MTG1: variants seen among roughly 807,000 people sequenced by gnomAD.
MTG1 encodes mitochondrial ribosome associated GTPase 1.
Under a neutral mutation model 39.5 loss-of-function variants are expected in MTG1, and 30 were observed. The observed-to-expected ratio is 0.76, with a 90% CI of 0.57 to 1.03. The LOEUF (loss-of-function observed/expected upper bound fraction) is 1.03. Among genes scored for constraint, MTG1 ranks in the 50% least tolerant of loss-of-function variants. The pLI is 0.00. For synonymous variants in MTG1, 217 were observed against 179.0 expected, an observed-to-expected ratio of 1.21 and a Z score of -1.69; for missense variants, 513 against 447.4, an observed-to-expected ratio of 1.15 and a Z score of -1.32.
chr10:133,395,588 G>T (rs999221125), intron 1 of MTG1, 125 bp from the exon 2 acceptor site: 2 of 871,124 alleles, frequency 2.3e-6, no homozygotes, highest in Non-Finnish European at 1.9e-6. Flanking sequence ...TACTTAGTAC[G>T]CTTCCCTCAG....
chr10:133,416,574 C>CCCAG (rs1479615055), intron 9 of MTG1, among the ~76,000 whole-genome samples: 1 of 117,944 alleles, frequency 8.5e-6, no homozygotes, highest in African/African-American at 3.2e-5. Context: ...CCACAACAGT[C>CCCAG]CCAGGTGTGT....
At chr10:133,416,611 T>G (rs921768830) in intron 9 of MTG1, among the ~76,000 whole-genome samples, 1 of 137,138 alleles carries the variant, frequency 7.3e-6, no homozygotes, top group Non-Finnish European at 1.5e-5. Flanking sequence ...TGTCCATGTG[T>G]TCTCATTGTT....
chr10:133,395,317 C>T (rs1322575762), intron 1 of MTG1, among the ~76,000 whole-genome samples: 2 of 152,228 alleles, frequency 1.3e-5, no homozygotes, highest in African/African-American at 2.4e-5. Context: ...ATTGCTTGAA[C>T]CTGGCAGGCG....
chr10:133,398,284 C>G (rs1849818078), intron 3 of MTG1, 151 bp from the exon 4 acceptor site: 2 of 682,098 alleles, frequency 2.9e-6, no homozygotes, highest in East Asian at 5.8e-5. Flanking sequence ...CCTGTAATCC[C>G]TGCTACTTGG....
At chr10:133,406,569 C>G (rs1372359551) in intron 9 of MTG1, among the ~76,000 whole-genome samples, 1 of 150,744 alleles carries the variant, frequency 6.6e-6, no homozygotes, top group Non-Finnish European at 1.5e-5. Context: ...CTTTTGAGGT[C>G]TTATACAAAA....
At chr10:133,406,848 A>G (rs1301719296) in intron 9 of MTG1, among the ~76,000 whole-genome samples, 2 of 152,088 alleles carry the variant, frequency 1.3e-5, no homozygotes, top group East Asian at 1.9e-4. Flanking sequence ...TATTTTTAGT[A>G]GAGATGGGGT....
chr10:133,398,602 G>T, intron 4 of MTG1, 87 bp downstream of exon 4: 2 of 1,436,466 alleles, frequency 1.4e-6, no homozygotes, highest in Non-Finnish European at 1.9e-6. Context: ...TTAGTAAGAA[G>T]CAGAGCTTTG....
rs1293975682 is a variant in MTG1, at chr10:133,401,752, T to C, written c.573+162T>C. 5.4e-6 allele frequency: 4 copies of C among 735,944 alleles called. No homozygotes were observed. The African/African-American group carries it at 6.9e-5, about 13-fold the overall frequency. 45.6% of individuals were successfully genotyped at this position (735,944 alleles called of 1,614,324 possible). ...GGGGCAGGCACTGCCCCTGCCCTTATTCCACAGTCGTCATAGTCTTTGCGC... is the reference window on the plus strand; with the variant it reads ...GGGGCAGGCACTGCCCCTGCCCTTACTCCACAGTCGTCATAGTCTTTGCGC... On this transcript the variant is annotated intron_variant, in intron 7 of 10. Transcript: ENST00000317502.
chr10:133,410,525 T>C (rs1220757356), intron 9 of MTG1, among the ~76,000 whole-genome samples: 2 of 152,252 alleles, frequency 1.3e-5, no homozygotes, highest in African/African-American at 4.8e-5. Context: ...TTGGTATGTT[T>C]TAATTTGTTG....
At chr10:133,396,090 G>A (rs11596220) in intron 2 of MTG1, 73 bp from the exon 3 acceptor site, 10 of 1,369,710 alleles carry the variant, frequency 7.3e-6, no homozygotes, top group Non-Finnish European at 1.0e-5. Context: ...GTGATGATTC[G>A]TTCACTGATG....
chr10:133,410,868 G>C (rs11101742), intron 9 of MTG1, among the ~76,000 whole-genome samples: 54,730 of 152,118 alleles, frequency 0.36, 10,255 homozygotes, highest in African/African-American at 0.46. Context: ...TACTTTAACT[G>C]CATCTTTCCC....
intron 9 of MTG1, among the ~76,000 whole-genome samples, chr10:133,408,287 T>C (rs1175713566): frequency 1.3e-5 from 2 of 152,264 alleles, no homozygotes; most frequent in Non-Finnish European, 2.9e-5. Context: ...TGCTGAATTT[T>C]ATTGAATGCT....
In MTG1 at chr10:133,402,355, G is replaced by C; in HGVS notation, c.670+110G>C. The C allele has an allele frequency of 7.7e-7, 1 of 1,304,546 alleles. No homozygotes were observed. Among genetic ancestry groups the C allele is most frequent in the Admixed American group, 1.8e-5 (1 of 56,974 alleles). The allele number at this position is 1,304,546 out of a possible 1,614,324, so 80.8% of individuals were successfully genotyped here. A position where few individuals can be genotyped will look rare whatever the true frequency, so the allele number is the denominator to read the frequency against. On this transcript the variant is annotated intron_variant, in intron 8 of 10. Coordinates refer to ENST00000317502, the MANE Select transcript of MTG1 (RefSeq NM_138384.4). This position sits in a 1 kb window ranked among gnomAD's most constrained non-coding sequence, Gnocchi z 4.7. ...CTAGACGGGAGTTGTTACTGCCTTT[G>C]ACCTGGTTGCTGCCAGACCTTCCTC...
intron 3 of MTG1, among the ~76,000 whole-genome samples, chr10:133,396,705 C>T (rs527869992): frequency 6.6e-6 from 1 of 152,230 alleles, no homozygotes; most frequent in South Asian, 2.1e-4. Flanking sequence ...GTAGCAATTA[C>T]TCTTCATTCC....
At position 133,402,111 on chromosome 10, in the gene MTG1, G is replaced by A; in HGVS notation, c.574-38G>A. On this transcript the variant is annotated intron_variant, in intron 7 of 10. Coordinates refer to ENST00000317502, the MANE Select transcript of MTG1 (RefSeq NM_138384.4). The surrounding 1 kb of genome is among the most constrained non-coding windows in gnomAD (Gnocchi z 4.7). ...GAGTGGCCCACCTGGGTGGGAGGCT[G>A]CCACCGCGGCCTGATCATGCCCTCT... The A allele has an allele frequency of 6.2e-7, 1 of 1,612,534 alleles. No homozygotes were observed.
Position 133,418,297 on chromosome 10 carries a change from A to G in MTG1, c.753-1183A>G, listed in dbSNP as rs529823853. On this transcript the variant is annotated intron_variant, in intron 9 of 10. Transcript: ENST00000317502. ...TCTGGGATTACAGGCGTGAGCCACC[A>G]TGCCTGGCTGGATGCCATGTATTTT... Among the ~76,000 whole-genome samples the G allele has an allele frequency of 3.9e-5, 6 of 152,358 alleles. No homozygotes were observed. The East Asian group carries it at 5.8e-4, about 15-fold the overall frequency.
chr10:133,401,872 C>G lies in MTG1; in HGVS notation c.574-277C>G, dbSNP rs1484296655. ...GTGGTCAGGACAGACCTGAGTGTGG[C>G]GCCCCCCGCCCCACCCTCCACTCCC... On this transcript the variant is annotated intron_variant, in intron 7 of 10. Transcript: ENST00000317502. 3 of 606,484 alleles carry G rather than the reference C, an allele frequency of 4.9e-6. No homozygotes were observed. In the African/African-American group the frequency reaches 5.5e-5, roughly 11 times the overall value. The allele number at this position is 606,484 out of a possible 1,614,324, so 37.6% of individuals were successfully genotyped here.
Position 133,402,239 on chromosome 10 carries a change from C to T in MTG1, c.664C>T (p.Leu222=). 6.2e-7 allele frequency: 1 copy of T among 1,600,486 alleles called. No homozygotes were observed. Among genetic ancestry groups the T allele is most frequent in the Non-Finnish European group, 8.5e-7 (1 of 1,173,802 alleles). ...TGTGGAGACAGGCCTGAAGCTGGCC[C>T]TGTGTGGTGAGCCGGGGCTGGGGCT... The part of the protein sequence containing the change: ...ESVETGLKLA[L]CGTVLDHLVG... The change falls in exon 8 of 11, where the codon CTG becomes TTG. Residue 222 remains leucine, a synonymous_variant. Coordinates refer to ENST00000317502, the MANE Select transcript of MTG1 (RefSeq NM_138384.4). The surrounding 1 kb of genome is among the most constrained non-coding windows in gnomAD (Gnocchi z 4.7).
At chr10:133,396,360 T>G in intron 3 of MTG1, 93 bp downstream of exon 3, 2 of 1,110,416 alleles carry the variant, frequency 1.8e-6, no homozygotes, top group Non-Finnish European at 2.7e-6. Context: ...CGCACACTTG[T>G]CAGTTTGCCC....
Sources: allele counts gnomAD v4.1 joint callset (sites outside exome capture counted in the v4.1 genomes callset), GRCh38; gene constraint gnomAD v4.1.1; non-coding constraint Gnocchi (gnomAD v3.1); transcripts MANE v1.5; gene names NCBI Gene and HGNC (gene_info 2026-07-23, HGNC 2026-07-21).